GPHN: variants seen among roughly 807,000 people sequenced by gnomAD.
GPHN encodes the protein gephyrin.
GPHN carries 17 observed loss-of-function variants against 95.5 expected under a neutral mutation model. The ratio of observed to expected loss-of-function variants is 0.18; its 90% CI spans 0.12 to 0.27. GPHN has a LOEUF of 0.27. GPHN is among the 10% of genes least tolerant of loss of function. The pLI is 1.00. For synonymous variants in GPHN, 320 were observed against 322.5 expected (o/e 0.99, Z 0.08); for missense variants, 660 against 978.1 (o/e 0.67, Z 4.34).
At chr14:67,236,334 C>A in the GPHN span, among the ~76,000 whole-genome samples, 1 of 152,242 alleles carries the variant, frequency 6.6e-6, no homozygotes, top group African/African-American at 2.4e-5. Flanking sequence ...TGTTCCCACC[C>A]GCACCTTCAC....
chr14:67,620,748 A>G, the GPHN span: 3 of 737,704 alleles, frequency 4.1e-6, no homozygotes, highest in East Asian at 8.4e-5. Flanking sequence ...TGTGATTCCA[A>G]CAATGGAGTT....
the GPHN span, among the ~76,000 whole-genome samples, chr14:67,281,809 A>AT: frequency 3.6e-5 from 5 of 140,336 alleles, no homozygotes; most frequent in African/African-American, 1.5e-4. Context: ...CATTTCTCTT[A>AT]ATTTTTTTTT....
the GPHN span, among the ~76,000 whole-genome samples, chr14:67,331,180 G>A: frequency 6.6e-6 from 1 of 152,052 alleles, no homozygotes; most frequent in Non-Finnish European, 1.5e-5. Flanking sequence ...AAGTAGCTGG[G>A]ATTACAGATG....
At chr14:67,662,953 C>G in the GPHN span, 5 of 1,340,778 alleles carry the variant, frequency 3.7e-6, no homozygotes, top group Non-Finnish European at 4.7e-6. Context: ...CTCTGAAACC[C>G]CTCACCACTC....
intron 4 of GPHN, among the ~76,000 whole-genome samples, chr14:66,842,872 G>A (rs888034270): frequency 6.6e-6 from 1 of 151,970 alleles, no homozygotes; most frequent in African/African-American, 2.4e-5. Flanking sequence ...GGGTCATTCT[G>A]TATCCCTGGG....
chr14:67,181,315 C>T lies in GPHN; in HGVS notation c.*378C>T, dbSNP rs2140214720. On this transcript the variant is annotated 3_prime_UTR_variant, in exon 23 of 23. Transcript: ENST00000478722. The stretch of plus-strand genomic sequence containing the variant: ...AATCAAGGCTGTCTGCTTATTTATA[C>T]TAGCGTAGGCAACACTTGGATTTCC... 4.6e-6 allele frequency: 2 copies of T among 431,878 alleles called. No homozygotes were observed. The highest frequency in any genetic ancestry group is 8.3e-5 in the East Asian group (2 of 24,024). 26.8% of individuals were successfully genotyped at this position (431,878 alleles called of 1,614,324 possible). A position where few individuals can be genotyped will look rare whatever the true frequency, so the allele number is the denominator to read the frequency against.
the GPHN span, among the ~76,000 whole-genome samples, chr14:67,450,690 T>C: frequency 6.6e-6 from 1 of 152,240 alleles, no homozygotes; most frequent in African/African-American, 2.4e-5. Flanking sequence ...AAGAGGTGAC[T>C]TGAGTGCTGT....
At chr14:66,666,156 C>T (rs981008156) in intron 1 of GPHN, among the ~76,000 whole-genome samples, 6 of 151,800 alleles carry the variant, frequency 4.0e-5, no homozygotes, top group East Asian at 1.9e-4. Context: ...ATGTAAATGA[C>T]GAGTTAATGG....
At chr14:67,230,440 C>G in the GPHN span, among the ~76,000 whole-genome samples, 1 of 151,998 alleles carries the variant, frequency 6.6e-6, no homozygotes, top group African/African-American at 2.4e-5. Context: ...GGTATGATGG[C>G]CCATATCTAT....
At chr14:67,329,630 T>C in the GPHN span, among the ~76,000 whole-genome samples, 1 of 152,106 alleles carries the variant, frequency 6.6e-6, no homozygotes, top group East Asian at 1.9e-4. Flanking sequence ...TAAATAGCTC[T>C]TATTATTTTG....
chr14:66,894,213 C>A (rs2064696793), intron 5 of GPHN, among the ~76,000 whole-genome samples: 1 of 152,130 alleles, frequency 6.6e-6, no homozygotes, highest in Non-Finnish European at 1.5e-5. Flanking sequence ...TACCACACAT[C>A]TACCACTATC....
At chr14:66,875,729 A>T (rs1157587288) in intron 4 of GPHN, among the ~76,000 whole-genome samples, 1 of 152,200 alleles carries the variant, frequency 6.6e-6, no homozygotes, top group African/African-American at 2.4e-5. Flanking sequence ...TGCACCCAAT[A>T]CAGGAGCACC....
chr14:67,259,269 C>T, the GPHN span, among the ~76,000 whole-genome samples: 2,440 of 151,982 alleles, frequency 0.016, 69 homozygotes, highest in African/African-American at 0.056. Flanking sequence ...TTAATTTTTA[C>T]TTTAGCCCAA....
At chr14:67,121,700 A>G (rs892975756) in intron 16 of GPHN, among the ~76,000 whole-genome samples, 4 of 152,208 alleles carry the variant, frequency 2.6e-5, no homozygotes, top group Non-Finnish European at 4.4e-5. Flanking sequence ...TTGTGCATAC[A>G]TGTAGCTAAG....
intron 17 of GPHN, among the ~76,000 whole-genome samples, chr14:67,130,226 G>A (rs2079615323): frequency 1.3e-5 from 2 of 152,082 alleles, no homozygotes; most frequent in African/African-American, 4.8e-5. Context: ...AGGTAGTGAG[G>A]ATAGTACCCA....
chr14:66,800,367 G>C (rs902063586), intron 3 of GPHN, among the ~76,000 whole-genome samples: 1 of 152,006 alleles, frequency 6.6e-6, no homozygotes, highest in Non-Finnish European at 1.5e-5. Context: ...AGCGTGTCTT[G>C]TAAGACAGAT....
chr14:67,395,694 C>T, the GPHN span: 1 of 773,416 alleles, frequency 1.3e-6, no homozygotes, highest in Non-Finnish European at 2.2e-6. Context: ...CTGCCAAATG[C>T]CCTGAGCCCT....
chr14:67,107,797 G>A (rs1175860266), intron 13 of GPHN, among the ~76,000 whole-genome samples: 2 of 152,144 alleles, frequency 1.3e-5, no homozygotes, highest in African/African-American at 2.4e-5. Flanking sequence ...CCCCAGAGAG[G>A]GGGGTATCTC....
chr14:66,975,443 G>T (rs1269058912), intron 9 of GPHN, among the ~76,000 whole-genome samples: 1 of 152,138 alleles, frequency 6.6e-6, no homozygotes, highest in Non-Finnish European at 1.5e-5. Flanking sequence ...GCAGTTTTTA[G>T]CATTTGCATT....
Sources: gnomAD v4.1 joint callset for allele counts (sites outside exome capture counted in the v4.1 genomes callset) on GRCh38, gnomAD v4.1.1 for gene constraint, MANE v1.5 for transcripts, NCBI Gene and HGNC (gene_info 2026-07-23, HGNC 2026-07-21) for gene names.